METTL13: variants seen among roughly 807,000 people sequenced by gnomAD.
The protein encoded by METTL13 is methyltransferase 13, eEF1A N-terminus and K55, also known as eEF1A lysine and N-terminal methyltransferase.
A neutral mutation model predicts 67.4 loss-of-function variants in METTL13; 52 were observed. The observed-to-expected ratio is 0.77, with a 90% CI of 0.62 to 0.97. METTL13 has a LOEUF of 0.97. Ranked by LOEUF, METTL13 falls within the 50% of genes least tolerant of loss-of-function variation. The pLI is 0.00. For missense variants in METTL13, 825 were observed against 889.6 expected (o/e 0.93, Z 0.92); for synonymous variants, 354 against 353.6 (o/e 1.00, Z -0.01).
At chr1:171,794,739 C>T (rs1022201373) in intron 7 of METTL13, among the ~76,000 whole-genome samples, 2 of 152,176 alleles carry the variant, frequency 1.3e-5, no homozygotes, top group Non-Finnish European at 2.9e-5. Context: ...AGAGTAATCA[C>T]TGTCTTAACA....
intron 7 of METTL13, among the ~76,000 whole-genome samples, 175 bp from the exon 8 acceptor site, chr1:171,796,307 T>C (rs1258676344): frequency 6.6e-6 from 1 of 152,174 alleles, no homozygotes; most frequent in Non-Finnish European, 1.5e-5. Flanking sequence ...ATGCTCCCCA[T>C]GCTTTTCTCC....
intron 6 of METTL13, 61 bp from the exon 7 acceptor site, chr1:171,794,335 G>A: frequency 6.2e-7 from 1 of 1,609,002 alleles, no homozygotes; most frequent in Non-Finnish European, 8.5e-7. Flanking sequence ...TATAGTGTTG[G>A]AATGTAAATG....
chr1:171,794,825 CTT>C (rs796653445), intron 7 of METTL13, among the ~76,000 whole-genome samples: 5 of 144,562 alleles, frequency 3.5e-5, no homozygotes, highest in African/African-American at 2.5e-5. Context: ...GGAATGTTCC[CTT>C]TTTTTTTTTT....
chr1:171,794,642 C>T (rs1657308129), intron 7 of METTL13, 115 bp downstream of exon 7: 1 of 1,417,842 alleles, frequency 7.1e-7, no homozygotes, highest in Non-Finnish European at 9.6e-7. Flanking sequence ...AAATTTAATA[C>T]ACCCATTTAC....
At chr1:171,790,726 G>A (rs1558132286) in intron 5 of METTL13, 110 bp downstream of exon 5, 4 of 1,191,484 alleles carry the variant, frequency 3.4e-6, no homozygotes, top group Non-Finnish European at 2.2e-6. Context: ...AGCTGACAAT[G>A]TATCTTTCTT....
rs1353944091 is a variant in METTL13, at chr1:171,790,547, C to T, written c.1405C>T (p.Leu469=). 7 of 1,612,752 alleles carry T rather than the reference C, an allele frequency of 4.3e-6. No homozygotes were observed. The highest frequency in any genetic ancestry group is 1.3e-5 in the African/African-American group (1 of 74,982). The change falls in exon 5 of 8, where the codon CTG becomes TTG. Residue 469 remains leucine, a synonymous_variant. Transcript: ENST00000361735. ...GGGGCAGTCCATTGATAAGAGTTACCTGTGTTGTGAACACCACAAAGCCAT... is the reference window on the plus strand; with the variant it reads ...GGGGCAGTCCATTGATAAGAGTTACTTGTGTTGTGAACACCACAAAGCCAT... The part of the protein sequence containing the change: ...APGQSIDKSY[L]CCEHHKAMIA...
chr1:171,795,358 G>C (rs773611131), intron 7 of METTL13, among the ~76,000 whole-genome samples: 14 of 152,178 alleles, frequency 9.2e-5, no homozygotes, highest in Admixed American at 4.6e-4. Flanking sequence ...TATGTTTTCA[G>C]ATCTCTTGGG....
At chr1:171,788,490 C>G (rs1467629714) in intron 4 of METTL13, among the ~76,000 whole-genome samples, 1 of 152,176 alleles carries the variant, frequency 6.6e-6, no homozygotes, top group African/African-American at 2.4e-5. Context: ...TTCTTTAATT[C>G]TAATTAATTT....
chr1:171,794,259 G>A, intron 6 of METTL13, 137 bp from the exon 7 acceptor site: 5 of 1,318,134 alleles, frequency 3.8e-6, no homozygotes, highest in South Asian at 2.8e-5. Flanking sequence ...GCCCTTACAG[G>A]CAAACCACAT....
rs1657388150 is a variant in METTL13, at chr1:171,796,644, C to T, written c.1988C>T (p.Pro663Leu). 3.7e-6 allele frequency: 6 copies of T among 1,614,178 alleles called. No individual in the cohort carries two copies. Among genetic ancestry groups the T allele is most frequent in the Non-Finnish European group, 5.1e-6 (6 of 1,180,034 alleles). Residue 663 changes from proline (P) to leucine (L), a missense_variant, in exon 8 of 8, where the codon CCA becomes CTA. Coordinates refer to ENST00000361735, the MANE Select transcript of METTL13 (RefSeq NM_015935.5). ...CACCCTGAGCAAAAACTTGCCACAC[C>T]AGAGCTCCTAGAAACAGCCCAGGCT... ...QLHPEQKLAT[P>L]ELLETAQALE...
chr1:171,796,606 G>A lies in METTL13; in HGVS notation c.1950G>A (p.Leu650=). 1 of 1,614,198 alleles carries A rather than the reference G, an allele frequency of 6.2e-7. No individual in the cohort carries two copies. The highest frequency in any genetic ancestry group is 1.7e-5 in the Admixed American group (1 of 60,016). ...RRIEGEVNEI[L]FCQLHPEQKL... is the part of the protein sequence containing the mutation. ...TTGAGGGTGAAGTGAATGAGATCCT[G>A]TTCTGTCAGCTGCACCCTGAGCAAA... The change falls in exon 8 of 8, where the codon CTG becomes CTA. Residue 650 remains leucine (L), a synonymous_variant. Transcript: ENST00000361735.
chr1:171,796,426 G>A (rs1657377445), intron 7 of METTL13, 56 bp from the exon 8 acceptor site: 2 of 1,590,880 alleles, frequency 1.3e-6, no homozygotes, highest in African/African-American at 1.3e-5. Flanking sequence ...GCCGATCCTT[G>A]TCTTTCATAT....
intron 5 of METTL13, among the ~76,000 whole-genome samples, chr1:171,791,327 A>G (rs1431581433): frequency 6.6e-6 from 1 of 152,038 alleles, no homozygotes; most frequent in Non-Finnish European, 1.5e-5. Flanking sequence ...TGAATGGCTT[A>G]CCCTTACTTG....
intron 2 of METTL13, among the ~76,000 whole-genome samples, chr1:171,785,529 G>A (rs1344699767): frequency 2.0e-5 from 3 of 152,194 alleles, no homozygotes; most frequent in East Asian, 3.8e-4. Flanking sequence ...ACTACTACCT[G>A]CATCTTGGAC....
chr1:171,783,774 G>T lies in METTL13; in HGVS notation c.188G>T (p.Ser63Ile). Reference protein sequence around the residue: ...LVIGCGNSELSEQLYDVGYRD... With the variant: ...LVIGCGNSELIEQLYDVGYRD... The stretch of plus-strand genomic sequence containing the variant: ...ATTGGGTGTGGCAACTCAGAACTGA[G>T]TGAGCAACTGTATGATGTGGGCTAT... Residue 63 changes from serine to isoleucine, a missense_variant, in exon 2 of 8, where the codon AGT becomes ATT. Physicochemically the swap from Ser to Ile is moderately radical, Grantham distance 142. Coordinates refer to ENST00000361735, the MANE Select transcript of METTL13 (RefSeq NM_015935.5). 6.2e-7 allele frequency: 1 copy of T among 1,613,020 alleles called. No individual in the cohort carries two copies. The highest frequency in any genetic ancestry group is 8.5e-7 in the Non-Finnish European group (1 of 1,179,222).
rs12140193 is a variant in METTL13, at chr1:171,797,440, T to G, written c.*684T>G. ...GTTAGAGACCTGGCAGACTAAAGTC[T>G]CTAGTGTTTGTTTGCTCACATTTGC... On this transcript the variant is annotated 3_prime_UTR_variant, in exon 8 of 8. Coordinates refer to ENST00000361735, the MANE Select transcript of METTL13 (RefSeq NM_015935.5). 0.11 allele frequency: 17,406 copies of G among 152,362 alleles called. 1,386 individuals are homozygous for G. Among genetic ancestry groups the G allele is most frequent in the South Asian group, 0.34 (1,636 of 4,826 alleles). 9.4% of individuals were successfully genotyped at this position (152,362 alleles called of 1,614,324 possible).
Position 171,786,055 on chromosome 1 carries a change from G to T in METTL13, c.1090G>T (p.Ala364Ser). Residue 364 changes from alanine (A) to serine (S), a missense_variant, in exon 3 of 8, where the codon GCT (alanine) becomes TCT (serine). Transcript: ENST00000361735. ...LSARVMELAPAGMPTQQQVPF... is the reference protein window; with the variant it reads ...LSARVMELAPSGMPTQQQVPF... ...GGCTAGAGTCATGGAGCTGGCCCCA[G>T]CTGGGATGCCCACCCAGCAGCAGGT... 2 of 1,613,416 alleles carry T rather than the reference G, an allele frequency of 1.2e-6. No homozygotes were observed. Among genetic ancestry groups the T allele is most frequent in the Non-Finnish European group, 1.7e-6 (2 of 1,179,662 alleles).
chr1:171,791,934 CTT>C, intron 5 of METTL13, 81 bp from the exon 6 acceptor site: 16 of 1,427,820 alleles, frequency 1.1e-5, no homozygotes, highest in Non-Finnish European at 1.5e-5. Flanking sequence ...AGTGAGCTGA[CTT>C]TCCCTTTTGC....
intron 2 of METTL13, 45 bp downstream of exon 2, chr1:171,784,544 C>A: frequency 6.9e-7 from 1 of 1,456,360 alleles, no homozygotes; most frequent in Non-Finnish European, 9.0e-7. Context: ...GGCTGGCTTA[C>A]AGGGGCTGGG....
Sources: allele counts gnomAD v4.1 joint callset (sites outside exome capture counted in the v4.1 genomes callset), GRCh38; gene constraint gnomAD v4.1.1; transcripts MANE v1.5; gene names NCBI Gene and HGNC (gene_info 2026-07-23, HGNC 2026-07-21).